The following FAM120B variants were observed in gnomAD, a reference collection of about 807,000 sequenced individuals.
The protein encoded by FAM120B is constitutive coactivator of peroxisome proliferator-activated receptor gamma.
FAM120B carries 83 observed loss-of-function variants against 96.3 expected under a neutral mutation model. The observed-to-expected ratio is 0.86, with a 90% confidence interval of 0.72 to 1.03. The LOEUF (loss-of-function observed/expected upper bound fraction) is 1.03, where lower values mean the gene tolerates loss of function less well. Ranked by LOEUF, FAM120B falls within the 50% of genes least tolerant of loss-of-function variation. The pLI is 0.00. For missense variants in FAM120B, 1,027 were observed against 1,121.2 expected (o/e 0.92, Z 1.20); for synonymous variants, 407 against 402.7 (o/e 1.01, Z -0.13).
At chr6:170,401,270 C>T (rs1445510617) in intron 9 of FAM120B, among the ~76,000 whole-genome samples, 4 of 152,186 alleles carry the variant, frequency 2.6e-5, no homozygotes, top group Non-Finnish European at 5.9e-5. Context: ...CCTCGTCCTG[C>T]CTGATGGCAG....
At chr6:170,311,296 G>GC (rs1029361082) in intron 1 of FAM120B, among the ~76,000 whole-genome samples, 2 of 152,058 alleles carry the variant, frequency 1.3e-5, no homozygotes, top group African/African-American at 4.8e-5. Flanking sequence ...CATTCATCTG[G>GC]CCCCAACTCC....
intron 7 of FAM120B, 42 bp from the exon 8 acceptor site, chr6:170,390,970 CA>C: frequency 6.5e-7 from 1 of 1,537,360 alleles, no homozygotes; most frequent in Non-Finnish European, 9.0e-7. Context: ...TACTTTGCCA[CA>C]TCTGGCCCCT....
At chr6:170,293,129 G>A (rs1224192227), upstream of FAM120B, among the ~76,000 whole-genome samples, 2 of 152,012 alleles carry the variant, frequency 1.3e-5, no homozygotes, top group Non-Finnish European at 2.9e-5. Context: ...AGCTGACTTC[G>A]GAGCATTCTG....
At chr6:170,308,983 ATTG>A (rs1562511625) in intron 1 of FAM120B, among the ~76,000 whole-genome samples, 1 of 152,230 alleles carries the variant, frequency 6.6e-6, no homozygotes, top group African/African-American at 2.4e-5. Context: ...AAATGCCTGT[ATTG>A]TTAGATTTAT....
chr6:170,384,090 A>G (rs1382970107), intron 6 of FAM120B, among the ~76,000 whole-genome samples: 1 of 152,256 alleles, frequency 6.6e-6, no homozygotes, highest in Non-Finnish European at 1.5e-5. Context: ...AAATGACAGG[A>G]TAAAGAGATG....
chr6:170,344,503 C>A (rs368041539), intron 4 of FAM120B, among the ~76,000 whole-genome samples: 10 of 130,974 alleles, frequency 7.6e-5, no homozygotes, highest in East Asian at 5.4e-4. Flanking sequence ...TCCTGAGCAG[C>A]CCCACCTTGG....
intron 3 of FAM120B, among the ~76,000 whole-genome samples, chr6:170,327,073 G>A (rs1785637430): frequency 6.6e-6 from 1 of 151,606 alleles, no homozygotes; most frequent in South Asian, 2.1e-4. Flanking sequence ...TTGAGATGGA[G>A]TCTTGCTCTG....
At chr6:170,371,158 A>C (rs2115249928) in intron 6 of FAM120B, among the ~76,000 whole-genome samples, 1 of 148,642 alleles carries the variant, frequency 6.7e-6, no homozygotes, top group African/African-American at 2.5e-5. Context: ...CCAGCCCCAC[A>C]CTCCTCAGCC....
intron 9 of FAM120B, among the ~76,000 whole-genome samples, chr6:170,397,282 T>TA (rs1294668424): frequency 1.3e-5 from 2 of 152,070 alleles, no homozygotes; most frequent in East Asian, 3.9e-4. Flanking sequence ...AATGGGTGGG[T>TA]AGAGCTTATG....
chr6:170,309,053 C>T (rs990673294), intron 1 of FAM120B, among the ~76,000 whole-genome samples: 4 of 152,104 alleles, frequency 2.6e-5, no homozygotes, highest in Non-Finnish European at 4.4e-5. Context: ...AAGGATAGTC[C>T]GCTTAATGGA....
chr6:170,351,006 G>A (rs1262072383), intron 5 of FAM120B, among the ~76,000 whole-genome samples: 2 of 152,230 alleles, frequency 1.3e-5, no homozygotes, highest in African/African-American at 4.8e-5. Flanking sequence ...AGCTAAAGGA[G>A]CATGTTGTAA....
chr6:170,352,369 C>CA (rs1043346979), intron 5 of FAM120B, among the ~76,000 whole-genome samples: 21 of 152,128 alleles, frequency 1.4e-4, no homozygotes, highest in African/African-American at 5.1e-4. Context: ...ATTAGATCAT[C>CA]AAGACAGAAA....
intron 1 of FAM120B, chr6:170,298,022 T>C (rs1298499413): frequency 1.3e-5 from 2 of 152,210 alleles, no homozygotes; most frequent in Non-Finnish European, 2.9e-5. Context: ...TATCTTAGCA[T>C]CCCTTATTTT....
intron 4 of FAM120B, among the ~76,000 whole-genome samples, chr6:170,334,491 A>C (rs1001772617): frequency 2.0e-5 from 3 of 152,116 alleles, no homozygotes; most frequent in Non-Finnish European, 4.4e-5. Flanking sequence ...TTGCAAGGTC[A>C]GTCAAGAAAG....
At position 170,363,464 on chromosome 6, in the gene FAM120B, G is replaced by A. The variant is rs573474710; in HGVS notation, c.2283+5146G>A. Among the ~76,000 whole-genome samples, 152 of 152,366 alleles carry A rather than the reference G, an allele frequency of 1.0e-3. 2 individuals are homozygous for A. Among genetic ancestry groups the A allele is most frequent in the South Asian group, 2.1e-3 (10 of 4,830 alleles). On this transcript the variant is annotated intron_variant, in intron 6 of 10. Transcript: ENST00000476287. This position sits in a 1 kb window ranked among gnomAD's most constrained non-coding sequence, Gnocchi z 4.5. Reference sequence around the variant, plus strand: ...ATCGTCCTCTGCCTTGTACAGCACAGCTTGGCCTGGGGCCTGCTGGGGCGC... The same window carrying A: ...ATCGTCCTCTGCCTTGTACAGCACAACTTGGCCTGGGGCCTGCTGGGGCGC...
intron 4 of FAM120B, among the ~76,000 whole-genome samples, chr6:170,332,552 G>A (rs1223400698): frequency 6.6e-6 from 1 of 152,182 alleles, no homozygotes; most frequent in African/African-American, 2.4e-5. Context: ...ACAAAAATTA[G>A]CTGGGTGTGG....
At chr6:170,309,386 G>A (rs1784466011) in intron 1 of FAM120B, among the ~76,000 whole-genome samples, 1 of 152,108 alleles carries the variant, frequency 6.6e-6, no homozygotes, top group African/African-American at 2.4e-5. Context: ...GTACAAAGAG[G>A]TTAAATGATT....
At chr6:170,357,010 C>T (rs772551419) in intron 5 of FAM120B, among the ~76,000 whole-genome samples, 29 of 152,260 alleles carry the variant, frequency 1.9e-4, no homozygotes, top group Non-Finnish European at 3.8e-4. Context: ...AAGCAAATGC[C>T]GCCATCCTCC....
chr6:170,404,574 A>G lies in FAM120B; in HGVS notation c.2717A>G (p.Gln906Arg). 6.2e-7 allele frequency: 1 copy of G among 1,614,054 alleles called. No individual in the cohort carries two copies. The highest frequency in any genetic ancestry group is 8.5e-7 in the Non-Finnish European group (1 of 1,179,934). Residue 906 changes from glutamine (Q) to arginine (R), a missense_variant, in exon 10 of 11, where the codon CAG becomes CGG. Transcript: ENST00000476287. Reference sequence around the variant, plus strand: ...GGAAGCAGACAGTATGAGCATGACCAGTGGAGAAGGTACTAGTCAACCTCC... The same window carrying G: ...GGAAGCAGACAGTATGAGCATGACCGGTGGAGAAGGTACTAGTCAACCTCC... ...GPGSRQYEHD[Q>R]WRRY
Sources: allele counts gnomAD v4.1 joint callset (sites outside exome capture counted in the v4.1 genomes callset), GRCh38; gene constraint gnomAD v4.1.1; non-coding constraint Gnocchi (gnomAD v3.1); transcripts MANE v1.5; gene names NCBI Gene and HGNC (gene_info 2026-07-23, HGNC 2026-07-21).